Variants in ADCY7 observed in about 807,000 individuals in gnomAD.
ADCY7 encodes adenylate cyclase type 7.
A neutral mutation model predicts 120.6 loss-of-function variants in ADCY7; 72 were observed. The ratio of observed to expected loss-of-function variants is 0.60; its 90% CI spans 0.49 to 0.73. The LOEUF (loss-of-function observed/expected upper bound fraction) is 0.73. ADCY7 is among the 30% of genes least tolerant of loss of function. The probability of loss-of-function intolerance (pLI) is 0.00; values close to 1 mark genes in which losing one functional copy is unlikely to be tolerated. For synonymous variants in ADCY7, 661 were observed against 628.0 expected (o/e 1.05, Z -0.78); for missense variants, 1,227 against 1,486.0 (o/e 0.83, Z 2.87).
chr16:50,314,207 A>C, intron 23 of ADCY7, 85 bp from the exon 24 acceptor site: 2 of 1,440,868 alleles, frequency 1.4e-6, no homozygotes, highest in South Asian at 2.4e-5. Flanking sequence ...AGTGGTGGGG[A>C]TCCTCAACAA....
chr16:50,249,698 G>A (rs1390977208), intron 1 of ADCY7, among the ~76,000 whole-genome samples: 1 of 152,230 alleles, frequency 6.6e-6, no homozygotes, highest in African/African-American at 2.4e-5. Flanking sequence ...CAGGAGGTGG[G>A]GAGGCTCCTC....
chr16:50,253,808 C>A (rs374490710), intron 1 of ADCY7, among the ~76,000 whole-genome samples: 1 of 152,108 alleles, frequency 6.6e-6, no homozygotes, highest in Admixed American at 6.6e-5. Flanking sequence ...GGGGTGGAGG[C>A]GGTGGTGTCT....
intron 1 of ADCY7, among the ~76,000 whole-genome samples, chr16:50,270,500 C>T (rs1188667641): frequency 6.6e-6 from 1 of 152,180 alleles, no homozygotes; most frequent in East Asian, 1.9e-4. Flanking sequence ...CCCCCTGCAT[C>T]AGGTGGTTGT....
In ADCY7 at chr16:50,277,819, C is replaced by T. The variant is rs572514404; in HGVS notation, c.-268-10093C>T. Among the ~76,000 whole-genome samples the T allele has an allele frequency of 7.2e-5, 11 of 151,934 alleles. No homozygotes were observed. In the East Asian group the frequency reaches 2.1e-3, roughly 29 times the overall value. ...CTGAGTAGCTGGGACTACAGGCACCCGCCACCACGCCCAGCTAATTTTTTG... is the reference window on the plus strand; with the variant it reads ...CTGAGTAGCTGGGACTACAGGCACCTGCCACCACGCCCAGCTAATTTTTTG... On this transcript the variant is annotated intron_variant, in intron 1 of 25. Coordinates refer to ENST00000673801, the MANE Select transcript of ADCY7 (RefSeq NM_001114.5).
chr16:50,268,619 G>A (rs986328393), intron 1 of ADCY7, among the ~76,000 whole-genome samples: 1 of 152,168 alleles, frequency 6.6e-6, no homozygotes, highest in African/African-American at 2.4e-5. Context: ...TGTTTTCCGG[G>A]TGATGAGGGT....
intron 7 of ADCY7, among the ~76,000 whole-genome samples, chr16:50,295,169 C>A (rs952575704): frequency 6.6e-6 from 1 of 151,958 alleles, no homozygotes; most frequent in Non-Finnish European, 1.5e-5. Context: ...GCACATTAAA[C>A]TTTTACGTTT....
intron 25 of ADCY7, 53 bp from the exon 26 acceptor site, chr16:50,315,306 A>C: frequency 6.3e-7 from 1 of 1,586,414 alleles, no homozygotes; most frequent in South Asian, 1.1e-5. Flanking sequence ...TGTCCCTACC[A>C]TGACAGGTGT....
At chr16:50,283,750 T>C (rs2034416543) in intron 1 of ADCY7, among the ~76,000 whole-genome samples, 1 of 152,178 alleles carries the variant, frequency 6.6e-6, no homozygotes, top group Admixed American at 6.5e-5. Flanking sequence ...GGGGACGTGA[T>C]ACCTCTGCTC....
At chr16:50,294,124 G>A (rs973617697) in intron 6 of ADCY7, among the ~76,000 whole-genome samples, 1 of 152,202 alleles carries the variant, frequency 6.6e-6, no homozygotes, top group African/African-American at 2.4e-5. Context: ...GGGAGAACTG[G>A]TGCAGATGCC....
upstream of ADCY7, among the ~76,000 whole-genome samples, chr16:50,245,431 C>G (rs920321827): frequency 2.6e-5 from 4 of 152,166 alleles, no homozygotes; most frequent in African/African-American, 9.7e-5. Flanking sequence ...CTGCGGACGA[C>G]CTCCTCTGCC....
At chr16:50,303,494 G>T (rs1355443892) in intron 10 of ADCY7, among the ~76,000 whole-genome samples, 1 of 152,194 alleles carries the variant, frequency 6.6e-6, no homozygotes, top group Non-Finnish European at 1.5e-5. Context: ...CAGACCTGGA[G>T]CCCGCTTAAG....
At chr16:50,313,927 G>T in intron 22 of ADCY7, 31 bp from the exon 23 acceptor site, 1 of 1,587,742 alleles carries the variant, frequency 6.3e-7, no homozygotes, top group Non-Finnish European at 8.6e-7. Context: ...ATGGAGTGGC[G>T]GCTGCTTCAC....
At chr16:50,262,260 CTTT>C (rs397977712), upstream of ADCY7, among the ~76,000 whole-genome samples, 13 of 142,158 alleles carry the variant, frequency 9.1e-5, no homozygotes, top group Admixed American at 1.4e-4. Context: ...CCTCAGATCT[CTTT>C]TTTTTTTTTT....
intron 1 of ADCY7, among the ~76,000 whole-genome samples, chr16:50,253,965 G>T (rs1427943606): frequency 6.6e-6 from 1 of 152,090 alleles, no homozygotes; most frequent in African/African-American, 2.4e-5. Context: ...CTGTCTATCT[G>T]TCTGTCTCTG....
At chr16:50,303,901 G>T (rs2035892538) in intron 10 of ADCY7, among the ~76,000 whole-genome samples, 1 of 152,120 alleles carries the variant, frequency 6.6e-6, no homozygotes, top group African/African-American at 2.4e-5. Flanking sequence ...ACGTGGGAGG[G>T]CAGGGTAGGA....
intron 1 of ADCY7, among the ~76,000 whole-genome samples, chr16:50,281,525 G>A (rs913943018): frequency 1.6e-4 from 25 of 152,198 alleles, no homozygotes; most frequent in African/African-American, 5.5e-4. Context: ...CCTGGTGCAG[G>A]ATTCTGGCTG....
At position 50,317,855 on chromosome 16, in the gene ADCY7, A is replaced by ATAAT. The variant is rs1226142939; in HGVS notation, c.*2351_*2354dup. On this transcript the variant is annotated 3_prime_UTR_variant, in exon 26 of 26. Transcript: ENST00000673801. ...TTCTCCTGAGTTAACTTTTGTGAAA[A>ATAAT]TAATACCTAAGGTTTTCTGGCTTAT... is the stretch of plus-strand genomic sequence containing the variant. The ATAAT allele has an allele frequency of 6.6e-6, 1 of 152,262 alleles. No individual in the cohort carries two copies. Among genetic ancestry groups the ATAAT allele is most frequent in the African/African-American group, 2.4e-5 (1 of 41,410 alleles). 9.4% of individuals were successfully genotyped at this position (152,262 alleles called of 1,614,324 possible). A position where few individuals can be genotyped will look rare whatever the true frequency, so the allele number is the denominator to read the frequency against.
At chr16:50,301,571 A>T (rs2035725266) in intron 10 of ADCY7, 2 of 223,924 alleles carry the variant, frequency 8.9e-6, no homozygotes, top group South Asian at 1.6e-4. Context: ...CGAGAGACAC[A>T]CTTTCAAAAC....
intron 6 of ADCY7, among the ~76,000 whole-genome samples, chr16:50,294,354 A>G (rs1256604529): frequency 6.6e-6 from 1 of 152,226 alleles, no homozygotes; most frequent in East Asian, 1.9e-4. Flanking sequence ...GGCTGCCTGC[A>G]GGAGTGCCCT....
Sources: allele counts gnomAD v4.1 joint callset (sites outside exome capture counted in the v4.1 genomes callset), GRCh38; gene constraint gnomAD v4.1.1; transcripts MANE v1.5; gene names NCBI Gene and HGNC (gene_info 2026-07-23, HGNC 2026-07-21).